TFCP2L1: variants seen among roughly 807,000 people sequenced by gnomAD.
The protein encoded by TFCP2L1 is transcription factor CP2-like protein 1.
TFCP2L1 carries 12 observed loss-of-function variants against 72.2 expected under a neutral mutation model. The ratio of observed to expected loss-of-function variants is 0.17; its 90% CI spans 0.11 to 0.27. The LOEUF (loss-of-function observed/expected upper bound fraction) is 0.27, where lower values mean the gene tolerates loss of function less well. TFCP2L1 is among the 10% of genes least tolerant of loss of function. The pLI is 1.00. For synonymous variants in TFCP2L1, 260 were observed against 251.0 expected (o/e 1.04, Z -0.34); for missense variants, 488 against 624.6 (o/e 0.78, Z 2.33).
At chr2:121,254,169 A>G (rs1390565256) in intron 2 of TFCP2L1, among the ~76,000 whole-genome samples, 1 of 152,198 alleles carries the variant, frequency 6.6e-6, no homozygotes, top group African/African-American at 2.4e-5. Context: ...GGTACTCAGC[A>G]AATGCATCCA....
intron 1 of TFCP2L1, among the ~76,000 whole-genome samples, chr2:121,282,606 T>C (rs1010607993): frequency 9.2e-5 from 14 of 151,944 alleles, no homozygotes; most frequent in African/African-American, 3.1e-4. Context: ...CTTGAGAACA[T>C]GAATGACCTA....
chr2:121,224,804 A>T (rs887400133), intron 14 of TFCP2L1, among the ~76,000 whole-genome samples: 1 of 152,104 alleles, frequency 6.6e-6, no homozygotes, highest in Non-Finnish European at 1.5e-5. Flanking sequence ...AACACAGTGA[A>T]ACCCCGTCTC....
rs1686278669 is a variant in TFCP2L1, at chr2:121,237,640, A to T, written c.986T>A (p.Leu329His). ...ATGCTCACCTGAGAAGCTGGCAAAG[A>T]GCCGGCAGAACTGCGAGAACCTGTT... Reference protein sequence around the residue: ...HRNRFSQFCRLFASFSGADLL... With the variant: ...HRNRFSQFCRHFASFSGADLL... The change falls in exon 10 of 15, where the codon CTC becomes CAC. Residue 329 changes from leucine to histidine, a missense_variant. By Grantham distance (99) the Leu-to-His change is moderately conservative. This residue lies in a region of TFCP2L1 where 286 missense variants were observed against 329.0 expected (regional missense o/e 0.87). Coordinates refer to ENST00000263707, the MANE Select transcript of TFCP2L1 (RefSeq NM_014553.3). 6.2e-7 allele frequency: 1 copy of T among 1,614,170 alleles called. No individual in the cohort carries two copies. Among genetic ancestry groups the T allele is most frequent in the South Asian group, 1.1e-5 (1 of 91,084 alleles).
At chr2:121,244,313 C>T (rs1254450401) in intron 6 of TFCP2L1, among the ~76,000 whole-genome samples, 1 of 152,228 alleles carries the variant, frequency 6.6e-6, no homozygotes, top group East Asian at 1.9e-4. Context: ...GCGGCTCCAA[C>T]AAGCCAGGCT....
chr2:121,244,309 C>T (rs1173461809), intron 6 of TFCP2L1, among the ~76,000 whole-genome samples: 1 of 152,212 alleles, frequency 6.6e-6, no homozygotes, highest in Non-Finnish European at 1.5e-5. Context: ...GGGAGCGGCT[C>T]CAACAAGCCA....
intron 2 of TFCP2L1, among the ~76,000 whole-genome samples, chr2:121,274,094 CA>C (rs569943932): frequency 0.033 from 2,021 of 60,748 alleles, 24 homozygotes; most frequent in African/African-American, 0.087. Context: ...ACTCTGTCTC[CA>C]AAAAAAAAAA....
chr2:121,269,460 C>A (rs76124740), intron 2 of TFCP2L1, among the ~76,000 whole-genome samples: 4,596 of 151,122 alleles, frequency 0.03, 233 homozygotes, highest in African/African-American at 0.1. Context: ...ACAACAACAA[C>A]AAAAAAACTT....
At chr2:121,239,523 T>C (rs1310819511) in intron 8 of TFCP2L1, 35 bp downstream of exon 8, 7 of 1,610,754 alleles carry the variant, frequency 4.3e-6, no homozygotes, top group Admixed American at 3.3e-5. Flanking sequence ...CTGCCTTCAT[T>C]TCAGGGAACC....
intron 2 of TFCP2L1, among the ~76,000 whole-genome samples, chr2:121,255,926 T>G (rs926181709): frequency 1.1e-4 from 17 of 152,038 alleles, no homozygotes; most frequent in African/African-American, 4.1e-4. Context: ...GTATTTTTAG[T>G]AGAGACAGGG....
intron 2 of TFCP2L1, among the ~76,000 whole-genome samples, chr2:121,269,918 A>AAAAAAAAAAAAAAAAAAAAAAAAAATAT: frequency 4.3e-5 from 5 of 115,178 alleles, no homozygotes; most frequent in African/African-American, 1.1e-4. Context: ...AAAAAAAAAA[A>AAAAAAAAAAAAAAAAAAAAAAAAAATAT]ATATATATAT....
At chr2:121,235,402 G>T in intron 10 of TFCP2L1, 91 bp from the exon 11 acceptor site, 2 of 1,263,748 alleles carry the variant, frequency 1.6e-6, no homozygotes, top group Non-Finnish European at 2.3e-6. Flanking sequence ...AGCACTGGGG[G>T]TGGGGGGTGG....
intron 6 of TFCP2L1, among the ~76,000 whole-genome samples, chr2:121,242,837 A>T (rs1375073126): frequency 1.3e-5 from 2 of 152,156 alleles, no homozygotes; most frequent in Admixed American, 1.3e-4. Flanking sequence ...TTGCAACCTG[A>T]GAAATCCTGG....
chr2:121,272,670 A>C (rs1220650807), intron 2 of TFCP2L1, among the ~76,000 whole-genome samples: 1 of 152,206 alleles, frequency 6.6e-6, no homozygotes, highest in Non-Finnish European at 1.5e-5. Context: ...TTAACTTCCA[A>C]AACAGGATTG....
chr2:121,234,292 G>T, intron 11 of TFCP2L1, 98 bp from the exon 12 acceptor site: 2 of 1,132,748 alleles, frequency 1.8e-6, no homozygotes, highest in Non-Finnish European at 2.6e-6. Context: ...AGAACTCAGG[G>T]AGGAAGAAAG....
intron 7 of TFCP2L1, chr2:121,240,380 T>C: frequency 1.0e-6 from 1 of 985,460 alleles, no homozygotes; most frequent in Non-Finnish European, 1.2e-6. Flanking sequence ...AGTTCATCTC[T>C]TCCCTTCCCT....
chr2:121,243,586 AG>A (rs2104693633), intron 6 of TFCP2L1, among the ~76,000 whole-genome samples: 1 of 152,300 alleles, frequency 6.6e-6, no homozygotes, highest in South Asian at 2.1e-4. Context: ...TTACCGTCTA[AG>A]CTCTGCCTCC....
At chr2:121,277,982 A>T (rs1055048157) in intron 2 of TFCP2L1, among the ~76,000 whole-genome samples, 12 of 151,898 alleles carry the variant, frequency 7.9e-5, no homozygotes, top group Non-Finnish European at 1.5e-4. Context: ...TAAATATACC[A>T]AATTAACATG....
At chr2:121,258,846 G>A (rs1176701517) in intron 2 of TFCP2L1, among the ~76,000 whole-genome samples, 1 of 152,168 alleles carries the variant, frequency 6.6e-6, no homozygotes, top group Non-Finnish European at 1.5e-5. Context: ...TAGATGATAG[G>A]TGAGGGTATT....
intron 2 of TFCP2L1, among the ~76,000 whole-genome samples, chr2:121,260,395 G>C (rs1248268058): frequency 6.6e-6 from 1 of 152,186 alleles, no homozygotes; most frequent in East Asian, 1.9e-4. Context: ...CAGAAGTCTT[G>C]TGAGGATTAA....
Sources: gnomAD v4.1 joint callset for allele counts (sites outside exome capture counted in the v4.1 genomes callset) on GRCh38, gnomAD v4.1.1 for gene constraint, gnomAD v4.1.1 regional missense constraint, MANE v1.5 for transcripts, NCBI Gene and HGNC (gene_info 2026-07-23, HGNC 2026-07-21) for gene names.